GLI3: variants seen among roughly 807,000 people sequenced by gnomAD.
GLI3 encodes GLI family zinc finger 3.
A neutral mutation model predicts 100.8 loss-of-function variants in GLI3; 20 were observed. The ratio of observed to expected loss-of-function variants is 0.20; its 90% CI spans 0.14 to 0.29. The LOEUF (loss-of-function observed/expected upper bound fraction) is 0.29. GLI3 is among the 10% of genes least tolerant of loss of function. The pLI is 1.00. For missense variants in GLI3, 2,040 were observed against 2,128.5 expected (o/e 0.96, Z 0.82); for synonymous variants, 938 against 860.5 (o/e 1.09, Z -1.58).
chr7:42,261,978 C>CTCTT (rs141164464), intron 1 of GLI3, among the ~76,000 whole-genome samples: 34 of 140,574 alleles, frequency 2.4e-4, no homozygotes, highest in South Asian at 1.2e-3. Flanking sequence ...CTCTCGCTCT[C>CTCTT]TCTTTCTTTC....
In GLI3 at chr7:42,076,709, C is replaced by T. The variant is rs751363680; in HGVS notation, c.473+43G>A. On this transcript the variant is annotated intron_variant, in intron 4 of 14. Transcript: ENST00000395925. ...AAAGTCCTGAGATGGTAAAAGCCAGCATCTCGTTCCATTTCATTAATGAAG... is the reference window on the plus strand; with the variant it reads ...AAAGTCCTGAGATGGTAAAAGCCAGTATCTCGTTCCATTTCATTAATGAAG... The T allele has an allele frequency of 3.7e-5, 45 of 1,222,756 alleles. No homozygotes were observed. The South Asian group carries it at 5.3e-4, about 14-fold the overall frequency. 75.7% of individuals were successfully genotyped at this position (1,222,756 alleles called of 1,614,324 possible). A position where few individuals can be genotyped will look rare whatever the true frequency, so the allele number is the denominator to read the frequency against.
Position 41,966,014 on chromosome 7 carries a change from C to A in GLI3, c.3059G>T (p.Arg1020Leu), listed in dbSNP as rs1465156556. 6.3e-7 allele frequency: 1 copy of A among 1,598,006 alleles called. No homozygotes were observed. The highest frequency in any genetic ancestry group is 1.1e-5 in the South Asian group (1 of 90,544). The change falls in exon 15 of 15, where the codon CGT becomes CTT. Residue 1020 changes from arginine to leucine, a missense_variant. Arg to Leu is a moderately radical substitution (Grantham distance 102). This residue lies in a region of GLI3 where 1,041 missense variants were observed against 924.0 expected (regional missense o/e 1.13). Coordinates refer to ENST00000395925, the MANE Select transcript of GLI3 (RefSeq NM_000168.6). This position sits in a 1 kb window ranked among gnomAD's most constrained non-coding sequence, Gnocchi z 5.8. ...GCTGAGGCTGCTGAAGCGCGGCACA[C>A]GAGGCAGGGCCAGGCCCTCGGAGCC... ...RTGSEGLALP[R>L]VPRFSSLSSC...
chr7:42,249,395 C>A (rs1789008149), intron 1 of GLI3, among the ~76,000 whole-genome samples: 1 of 152,080 alleles, frequency 6.6e-6, no homozygotes, highest in South Asian at 2.1e-4. Flanking sequence ...TTCCCCTCAA[C>A]CATTAAAAAA....
intron 7 of GLI3, among the ~76,000 whole-genome samples, chr7:42,039,385 T>G (rs1332461732): frequency 6.6e-6 from 1 of 152,234 alleles, no homozygotes; most frequent in Non-Finnish European, 1.5e-5. Context: ...TGGAAGGAAG[T>G]GTCAAAACAC....
intron 1 of GLI3, among the ~76,000 whole-genome samples, chr7:42,225,562 T>C (rs1216162616): frequency 1.3e-5 from 2 of 152,322 alleles, no homozygotes; most frequent in East Asian, 3.9e-4. Flanking sequence ...GGTTTTGTCA[T>C]GTTGGCCAGG....
Position 41,965,972 on chromosome 7 carries a change from G to C in GLI3, c.3101C>G (p.Ala1034Gly). ...FSSLSSCNPP[A>G]MATSAEKRSL... ...GCGCTTCTCCGCGGACGTGGCCATCGCCGGGGGGTTGCAGCTGCTGAGGCT... is the reference window on the plus strand; with the variant it reads ...GCGCTTCTCCGCGGACGTGGCCATCCCCGGGGGGTTGCAGCTGCTGAGGCT... Residue 1034 changes from alanine to glycine, a missense_variant, in exon 15 of 15, where the codon GCG (alanine) becomes GGG (glycine). Transcript: ENST00000395925. The C allele has an allele frequency of 6.2e-7, 1 of 1,608,144 alleles. No individual in the cohort carries two copies. Among genetic ancestry groups the C allele is most frequent in the Non-Finnish European group, 8.5e-7 (1 of 1,179,498 alleles).
Position 42,051,502 on chromosome 7 carries a change from T to G in GLI3, c.474-2806A>C, listed in dbSNP as rs549833285. ...CATATGTGACATATACATCACATAC[T>G]GTGCTAACATATTCCACCCATAATA... On this transcript the variant is annotated intron_variant, in intron 4 of 14. Transcript: ENST00000395925. 8.5e-5 allele frequency among the ~76,000 whole-genome samples: 13 copies of G among 152,302 alleles called. No individual in the cohort carries two copies. The East Asian group carries it at 2.3e-3, about 27-fold the overall frequency.
intron 2 of GLI3, among the ~76,000 whole-genome samples, chr7:42,182,664 A>ATATATATACATGTGTGTGTG (rs1554337050): frequency 1.3e-5 from 1 of 78,328 alleles, no homozygotes; most frequent in Non-Finnish European, 2.5e-5. Flanking sequence ...ATATATATAT[A>ATATATATACATGTGTGTGTG]TATATATATA....
At chr7:42,145,028 A>G (rs1786668352) in intron 3 of GLI3, among the ~76,000 whole-genome samples, 1 of 152,220 alleles carries the variant, frequency 6.6e-6, no homozygotes, top group Non-Finnish European at 1.5e-5. Context: ...AACAAATGTG[A>G]CCAAAACTGT....
chr7:42,124,568 T>C (rs1466445796), intron 3 of GLI3, among the ~76,000 whole-genome samples: 1 of 152,188 alleles, frequency 6.6e-6, no homozygotes, highest in Non-Finnish European at 1.5e-5. Context: ...TATTAGTAAT[T>C]CTCAGAATCA....
intron 3 of GLI3, among the ~76,000 whole-genome samples, chr7:42,123,947 C>T (rs1201526758): frequency 6.6e-6 from 1 of 152,178 alleles, no homozygotes; most frequent in Non-Finnish European, 1.5e-5. Flanking sequence ...CACCAAGATT[C>T]GCAAGGTTGG....
chr7:42,132,144 A>C (rs546920721), intron 3 of GLI3, among the ~76,000 whole-genome samples: 1 of 151,922 alleles, frequency 6.6e-6, no homozygotes, highest in Non-Finnish European at 1.5e-5. Flanking sequence ...TCTGTCGCCC[A>C]GGCTGGAGTG....
In GLI3 at chr7:41,964,135, C is replaced by G; in HGVS notation, c.*195G>C. 1 of 497,432 alleles carries G rather than the reference C, an allele frequency of 2.0e-6. No individual in the cohort carries two copies. The highest frequency in any genetic ancestry group is 3.6e-6 in the Non-Finnish European group (1 of 278,654). The allele number at this position is 497,432 out of a possible 1,614,324, so 30.8% of individuals were successfully genotyped here. ...ACTGATTCAAAACTGAAATGGAAGA[C>G]AGTTTCTCCCTAGAATACTTTAGGG... On this transcript the variant is annotated 3_prime_UTR_variant, in exon 15 of 15. Coordinates refer to ENST00000395925, the MANE Select transcript of GLI3 (RefSeq NM_000168.6).
intron 4 of GLI3, among the ~76,000 whole-genome samples, chr7:42,055,318 G>A (rs1784437439): frequency 6.6e-6 from 1 of 151,986 alleles, no homozygotes; most frequent in Non-Finnish European, 1.5e-5. Flanking sequence ...TGGTTATGGT[G>A]GTTACTTTCC....
rs1196667217 is a variant in GLI3, at chr7:41,966,361, G to C, written c.2712C>G (p.Arg904=). 6.2e-7 allele frequency: 1 copy of C among 1,608,410 alleles called. No homozygotes were observed. The highest frequency in any genetic ancestry group is 1.7e-5 in the Admixed American group (1 of 59,948). Residue 904 remains arginine (R), a synonymous_variant, in exon 15 of 15, where the codon CGC becomes CGG. Transcript: ENST00000395925. This position sits in a 1 kb window ranked among gnomAD's most constrained non-coding sequence, Gnocchi z 5.8. ...SYDPISTDAS[R]RSSEASQSDG... Reference sequence around the variant, plus strand: ...CGCTCTGGCTGGCTTCGCTGGAGCGGCGCGAGGCGTCGGTGGAGATGGGGT... The same window carrying C: ...CGCTCTGGCTGGCTTCGCTGGAGCGCCGCGAGGCGTCGGTGGAGATGGGGT...
chr7:42,026,441 C>A (rs1217748199), intron 7 of GLI3, 29 bp from the exon 8 acceptor site: 2 of 1,547,482 alleles, frequency 1.3e-6, no homozygotes, highest in South Asian at 1.1e-5. Flanking sequence ...AAAAGACGAT[C>A]ATCACTTAAA....
intron 3 of GLI3, among the ~76,000 whole-genome samples, chr7:42,097,958 A>G (rs1485360568): frequency 6.6e-6 from 1 of 152,162 alleles, no homozygotes; most frequent in Non-Finnish European, 1.5e-5. Flanking sequence ...TTCAAATCCC[A>G]TGACAATCCC....
At chr7:42,079,058 A>G (rs1784943652) in intron 3 of GLI3, among the ~76,000 whole-genome samples, 1 of 152,216 alleles carries the variant, frequency 6.6e-6, no homozygotes, top group East Asian at 1.9e-4. Flanking sequence ...CATTTTGTAA[A>G]GTCCATATAA....
At chr7:41,977,839 C>T in intron 11 of GLI3, 117 bp from the exon 12 acceptor site, 1 of 919,808 alleles carries the variant, frequency 1.1e-6, no homozygotes, top group East Asian at 2.4e-5. Flanking sequence ...CTTTTCAAAA[C>T]CCAGGAACAA....
Sources: allele counts gnomAD v4.1 joint callset (sites outside exome capture counted in the v4.1 genomes callset), GRCh38; gene constraint gnomAD v4.1.1; regional missense constraint gnomAD v4.1.1; non-coding constraint Gnocchi (gnomAD v3.1); transcripts MANE v1.5; gene names NCBI Gene and HGNC (gene_info 2026-07-23, HGNC 2026-07-21).